The following CHL1 variants were observed in gnomAD, a reference collection of about 807,000 sequenced individuals.
CHL1 encodes neural cell adhesion molecule L1-like protein.
In CHL1, 96 loss-of-function variants were observed where a neutral mutation model predicts 141.9. The ratio of observed to expected loss-of-function variants is 0.68; its 90% CI spans 0.57 to 0.80. CHL1 has a LOEUF of 0.80. Ranked by LOEUF, CHL1 falls within the 30% of genes least tolerant of loss-of-function variation. CHL1 has a pLI of 0.00. For missense variants in CHL1, 1,820 were observed against 1,457.2 expected (o/e 1.25, Z -4.05); for synonymous variants, 613 against 502.2 (o/e 1.22, Z -2.95).
chr3:297,487 G>A (rs1200510547), intron 2 of CHL1, among the ~76,000 whole-genome samples: 2 of 152,096 alleles, frequency 1.3e-5, no homozygotes, highest in East Asian at 1.9e-4. Flanking sequence ...AATTATAAAT[G>A]TCTTTCAATA....
intron 18 of CHL1, 128 bp from the exon 19 acceptor site, chr3:383,688 C>T: frequency 5.5e-6 from 3 of 546,976 alleles, no homozygotes; most frequent in Admixed American, 2.9e-5. Context: ...GGAACTGGAC[C>T]AGATATAAAT....
chr3:339,381 C>T (rs1273243299), intron 5 of CHL1, among the ~76,000 whole-genome samples: 3 of 152,170 alleles, frequency 2.0e-5, no homozygotes, highest in South Asian at 4.1e-4. Context: ...AACATACTTT[C>T]CCGACTTTTG....
At chr3:379,622 C>A (rs1429853136) in intron 16 of CHL1, among the ~76,000 whole-genome samples, 4 of 152,074 alleles carry the variant, frequency 2.6e-5, no homozygotes, top group Non-Finnish European at 5.9e-5. Context: ...TTCTCAATTT[C>A]CTTACAAAAT....
chr3:309,044 GC>G (rs561191966), intron 2 of CHL1: 116 of 152,544 alleles, frequency 7.6e-4, no homozygotes, highest in African/African-American at 2.5e-3. Flanking sequence ...CCTCGCCAGG[GC>G]CCCGGTGCAG....
intron 2 of CHL1, among the ~76,000 whole-genome samples, chr3:258,766 G>A (rs769375801): frequency 6.6e-5 from 10 of 152,036 alleles, no homozygotes; most frequent in Non-Finnish European, 1.2e-4. Flanking sequence ...AAACGAAAGT[G>A]AGACAATTGC....
intron 2 of CHL1, among the ~76,000 whole-genome samples, chr3:255,472 C>T (rs1260790887): frequency 7.1e-6 from 1 of 140,700 alleles, no homozygotes; most frequent in Non-Finnish European, 1.5e-5. Flanking sequence ...CAGATACACA[C>T]TGTTGACAGC....
intron 17 of CHL1, 42 bp from the exon 18 acceptor site, chr3:382,432 A>G (rs900295058): frequency 2.6e-6 from 4 of 1,548,254 alleles, no homozygotes; most frequent in Middle Eastern, 1.7e-4. Context: ...ACTTATCCAT[A>G]CTCCATACAT....
At chr3:262,749 C>T (rs1159163991) in intron 2 of CHL1, among the ~76,000 whole-genome samples, 2 of 152,202 alleles carry the variant, frequency 1.3e-5, no homozygotes, top group African/African-American at 4.8e-5. Context: ...CTAGTCTTGT[C>T]AGACTTTCTA....
At chr3:341,632 G>A (rs1269691650) in intron 6 of CHL1, among the ~76,000 whole-genome samples, 1 of 152,160 alleles carries the variant, frequency 6.6e-6, no homozygotes, top group African/African-American at 2.4e-5. Context: ...TAGGGCAGAG[G>A]TGGAGACAAA....
At chr3:274,578 G>C (rs751670613) in intron 2 of CHL1, among the ~76,000 whole-genome samples, 1 of 152,170 alleles carries the variant, frequency 6.6e-6, no homozygotes, top group Non-Finnish European at 1.5e-5. Context: ...CACAGTTACT[G>C]TTTGGTTTAT....
At chr3:323,904 A>G (rs910039254) in intron 3 of CHL1, among the ~76,000 whole-genome samples, 11 of 152,152 alleles carry the variant, frequency 7.2e-5, no homozygotes, top group African/African-American at 2.7e-4. Context: ...ATTTGCAATC[A>G]TGTAAAGTAA....
intron 1 of CHL1, among the ~76,000 whole-genome samples, chr3:229,651 C>T (rs772825223): frequency 1.3e-5 from 2 of 152,028 alleles, no homozygotes; most frequent in Non-Finnish European, 2.9e-5. Context: ...TAGTTCAATA[C>T]TCAGCTACTA....
At chr3:268,458 C>T (rs1243871609) in intron 2 of CHL1, among the ~76,000 whole-genome samples, 1 of 152,076 alleles carries the variant, frequency 6.6e-6, no homozygotes, top group African/African-American at 2.4e-5. Flanking sequence ...TCACTTGAAC[C>T]TGGGAGGCAG....
chr3:349,232 G>A (rs763270357), intron 9 of CHL1, 127 bp from the exon 10 acceptor site: 3 of 735,370 alleles, frequency 4.1e-6, no homozygotes, highest in Admixed American at 5.5e-5. Flanking sequence ...TGGTAAGGAT[G>A]ACGTGATTCA....
chr3:249,869 T>C (rs1693522188), intron 2 of CHL1, among the ~76,000 whole-genome samples: 1 of 152,110 alleles, frequency 6.6e-6, no homozygotes, highest in Non-Finnish European at 1.5e-5. Context: ...TGTATGAATA[T>C]TATATGGGGA....
rs559998626 is a variant in CHL1 at position 228,302 on chromosome 3, AAG to A, written c.-174-16308_-174-16307del. 1.5e-3 allele frequency among the ~76,000 whole-genome samples: 229 copies of A among 151,698 alleles called. 1 individual carries two copies. Among genetic ancestry groups the A allele is most frequent in the Non-Finnish European group, 2.5e-3 (170 of 68,030 alleles). ...TTTTCGACAGGATTACATTTAGTCT[AAG>A]AGGTAGAAAAACGTCACCAACGACA... On this transcript the variant is annotated intron_variant, in intron 1 of 27. Coordinates refer to ENST00000256509, the MANE Select transcript of CHL1 (RefSeq NM_006614.4).
At chr3:243,131 A>G (rs1363508174) in intron 1 of CHL1, among the ~76,000 whole-genome samples, 1 of 152,210 alleles carries the variant, frequency 6.6e-6, no homozygotes, top group Non-Finnish European at 1.5e-5. Flanking sequence ...ATTCTAGATT[A>G]AGTCATGTAA....
At chr3:269,575 G>C (rs541171775) in intron 2 of CHL1, among the ~76,000 whole-genome samples, 24 of 152,244 alleles carry the variant, frequency 1.6e-4, no homozygotes, top group African/African-American at 5.3e-4. Context: ...GCCCAGGCTG[G>C]AGTGCAATGG....
chr3:254,280 A>G (rs2125154564), intron 2 of CHL1, among the ~76,000 whole-genome samples: 1 of 152,226 alleles, frequency 6.6e-6, no homozygotes, highest in South Asian at 2.1e-4. Context: ...TTTCCCATAA[A>G]TTGATCTCAC....
Sources: allele counts gnomAD v4.1 joint callset (sites outside exome capture counted in the v4.1 genomes callset), GRCh38; gene constraint gnomAD v4.1.1; transcripts MANE v1.5; gene names NCBI Gene and HGNC (gene_info 2026-07-23, HGNC 2026-07-21).